Variants in RP1 observed in about 807,000 individuals in gnomAD.
RP1 encodes RP1 axonemal microtubule associated.
A neutral mutation model predicts 14.8 loss-of-function variants in RP1; 16 were observed. That is an observed-to-expected ratio of 1.08 (90% CI 0.73 to 1.65). The LOEUF (loss-of-function observed/expected upper bound fraction) is 1.65, where lower values mean the gene tolerates loss of function less well. Ranked by LOEUF, RP1 falls within the 40% of genes most tolerant of loss-of-function variation. The pLI, the probability that RP1 is intolerant of heterozygous loss-of-function variation, is 0.00. For missense variants in RP1, 2,631 were observed against 2,535.0 expected (o/e 1.04, Z -0.81); for synonymous variants, 876 against 883.6 (o/e 0.99, Z 0.15).
intron 3 of RP1, among the ~76,000 whole-genome samples, chr8:54,641,901 T>C (rs1806461149): frequency 1.3e-5 from 2 of 152,124 alleles, no homozygotes; most frequent in African/African-American, 2.4e-5. Flanking sequence ...TCAGACTAGA[T>C]CTCAAAATGA....
upstream of RP1, among the ~76,000 whole-genome samples, chr8:54,614,375 G>A (rs405545): frequency 0.22 from 33,155 of 151,956 alleles, 4,185 homozygotes; most frequent in East Asian, 0.45. Flanking sequence ...GAGGCTTTTG[G>A]CATTTCTTAG....
At chr8:54,790,857 A>T (rs1206539743) in intron 24 of RP1, among the ~76,000 whole-genome samples, 1 of 152,144 alleles carries the variant, frequency 6.6e-6, no homozygotes. Flanking sequence ...AGTTAATGGG[A>T]TACCATCAAG....
intron 14 of RP1, among the ~76,000 whole-genome samples, chr8:54,702,288 A>C (rs1362336684): frequency 2.6e-5 from 4 of 152,172 alleles, no homozygotes; most frequent in Non-Finnish European, 4.4e-5. Flanking sequence ...ATATTCAGCT[A>C]AAGTCTACTT....
At chr8:54,792,103 G>T (rs572126558) in intron 24 of RP1, among the ~76,000 whole-genome samples, 2 of 151,976 alleles carry the variant, frequency 1.3e-5, no homozygotes, top group South Asian at 2.1e-4. Context: ...TGTCACAAGA[G>T]ACTAAGAAGA....
At chr8:54,836,808 TG>T (rs1489038388) in intron 24 of RP1, among the ~76,000 whole-genome samples, 1 of 152,210 alleles carries the variant, frequency 6.6e-6, no homozygotes, top group Non-Finnish European at 1.5e-5. Context: ...ATTAAGTCTG[TG>T]GTAATTTGTT....
intron 24 of RP1, among the ~76,000 whole-genome samples, chr8:54,793,044 A>G (rs1585697331): frequency 1.3e-5 from 2 of 152,004 alleles, no homozygotes; most frequent in Non-Finnish European, 1.5e-5. Flanking sequence ...ATCATAAGAG[A>G]CTGCTATGAA....
In RP1 at chr8:54,828,882, C is replaced by CTTTTTTTTTTTTTTT. The variant is rs201534661; in HGVS notation, c.3616-8555_3616-8541dup. Among the ~76,000 whole-genome samples the CTTTTTTTTTTTTTTT allele has an allele frequency of 3.6e-5, 3 of 83,938 alleles. 1 individual carries two copies. 55.1% of individuals were successfully genotyped at this position (83,938 alleles called of 152,430 possible). The stretch of plus-strand genomic sequence containing the variant: ...TTCTTTCTTCTTTCTTCTTCTTCTT[C>CTTTTTTTTTTTTTTT]TTTTTTTTTTTTTTTTTTTTTTTTT... On this transcript the variant is annotated intron_variant, in intron 24 of 28. Coordinates refer to the RP1 transcript ENST00000637698.
chr8:54,644,109 T>C (rs1303070300), intron 3 of RP1, among the ~76,000 whole-genome samples: 1 of 152,138 alleles, frequency 6.6e-6, no homozygotes, highest in East Asian at 1.9e-4. Context: ...CATTCACAGA[T>C]GTGTGAAACT....
At chr8:54,868,823 T>A (rs984306359) in intron 28 of RP1, among the ~76,000 whole-genome samples, 1 of 152,154 alleles carries the variant, frequency 6.6e-6, no homozygotes. Flanking sequence ...CTTCTAATTA[T>A]GGGAAAAGAA....
At chr8:54,801,243 T>G (rs1052182816) in intron 24 of RP1, among the ~76,000 whole-genome samples, 2 of 152,214 alleles carry the variant, frequency 1.3e-5, no homozygotes, top group African/African-American at 2.4e-5. Flanking sequence ...AGCTCACAGC[T>G]GTATTCCACT....
At chr8:54,686,041 A>C (rs1807556702) in intron 12 of RP1, among the ~76,000 whole-genome samples, 1 of 152,200 alleles carries the variant, frequency 6.6e-6, no homozygotes, top group African/African-American at 2.4e-5. Flanking sequence ...ATGCAAATAG[A>C]AAAACTTTTT....
chr8:54,588,419 C>A (rs556847689), intron 1 of RP1, among the ~76,000 whole-genome samples: 53 of 152,256 alleles, frequency 3.5e-4, no homozygotes, highest in African/African-American at 1.3e-3. Context: ...CAAGGTCTGA[C>A]TGGTGCAGGA....
chr8:54,710,545 C>T (rs753395998), intron 15 of RP1, among the ~76,000 whole-genome samples: 20 of 152,190 alleles, frequency 1.3e-4, no homozygotes, highest in South Asian at 2.1e-4. Context: ...TTTGGCTACC[C>T]GCACTTGGTG....
chr8:54,784,372 A>C (rs1422832625), intron 24 of RP1, among the ~76,000 whole-genome samples: 1 of 152,186 alleles, frequency 6.6e-6, no homozygotes, highest in Non-Finnish European at 1.5e-5. Flanking sequence ...CCTGTATTAC[A>C]TACAATATGG....
At chr8:54,837,738 G>T (rs1224347370) in intron 25 of RP1, 6 of 895,140 alleles carry the variant, frequency 6.7e-6, no homozygotes, top group Non-Finnish European at 8.8e-6. Flanking sequence ...TAGAATAGGG[G>T]CTGGCACCTT....
intron 24 of RP1, among the ~76,000 whole-genome samples, chr8:54,812,262 T>C (rs1811016560): frequency 6.6e-6 from 1 of 152,234 alleles, no homozygotes; most frequent in Non-Finnish European, 1.5e-5. Flanking sequence ...TGCCTCAGCC[T>C]TCCGAGTAGC....
intron 26 of RP1, among the ~76,000 whole-genome samples, chr8:54,855,175 G>A (rs1337214046): frequency 2.0e-5 from 3 of 152,116 alleles, no homozygotes; most frequent in Non-Finnish European, 4.4e-5. Flanking sequence ...TTCTTTTTGT[G>A]ACTAACTTCA....
intron 1 of RP1, chr8:54,559,367 T>G (rs915880749): frequency 6.6e-6 from 1 of 152,190 alleles, no homozygotes; most frequent in Non-Finnish European, 1.5e-5. Context: ...TTATAGGGAA[T>G]GATAACGAAC....
At chr8:54,749,524 GC>G (rs749527698) in intron 19 of RP1, among the ~76,000 whole-genome samples, 17 of 152,036 alleles carry the variant, frequency 1.1e-4, no homozygotes, top group Non-Finnish European at 2.1e-4. Flanking sequence ...CCTGATCCTT[GC>G]TCCATTGATA....
Sources: allele counts gnomAD v4.1 joint callset (sites outside exome capture counted in the v4.1 genomes callset), GRCh38; gene constraint gnomAD v4.1.1; transcripts MANE v1.5; gene names NCBI Gene and HGNC (gene_info 2026-07-23, HGNC 2026-07-21).